SLC5A7: variants seen among roughly 807,000 people sequenced by gnomAD.
The protein encoded by SLC5A7 is high affinity choline transporter 1.
A neutral mutation model predicts 55.4 loss-of-function variants in SLC5A7; 19 were observed. The ratio of observed to expected loss-of-function variants is 0.34; its 90% CI spans 0.24 to 0.50. The LOEUF is 0.50. SLC5A7 is among the 20% of genes least tolerant of loss of function. The probability of loss-of-function intolerance (pLI) is 0.98; values close to 1 mark genes in which losing one functional copy is unlikely to be tolerated. For synonymous variants in SLC5A7, 265 were observed against 263.7 expected (o/e 1.00, Z -0.05); for missense variants, 506 against 705.3 (o/e 0.72, Z 3.20).
chr2:107,988,862 T>C (rs989967360), intron 2 of SLC5A7, among the ~76,000 whole-genome samples: 5 of 152,218 alleles, frequency 3.3e-5, no homozygotes, highest in African/African-American at 4.8e-5. Flanking sequence ...AACCTAATTC[T>C]TTCATTTAAT....
At chr2:107,989,730 T>A (rs1343970558) in intron 2 of SLC5A7, among the ~76,000 whole-genome samples, 1 of 152,222 alleles carries the variant, frequency 6.6e-6, no homozygotes, top group Non-Finnish European at 1.5e-5. Flanking sequence ...AGGTGCACAG[T>A]TTGTAAACAC....
In SLC5A7 at chr2:108,010,360, C is replaced by T. The variant is rs771422735; in HGVS notation, c.1242C>T (p.Tyr414=). ...GLWYLSSDLV[Y]IVIFPQLLCV... is the part of the protein sequence containing the mutation. ...GGTACCTCAGTTCTGACCTTGTTTA[C>T]ATCGTTATCTTCCCCCAGCTGCTTT... Residue 414 remains tyrosine (Y), a synonymous_variant, in exon 9 of 9, where the codon TAC becomes TAT. Transcript: ENST00000264047. The T allele has an allele frequency of 3.1e-6, 5 of 1,613,882 alleles. No individual in the cohort carries two copies. In the Admixed American group the frequency reaches 8.3e-5, roughly 27 times the overall value.
At chr2:107,996,444 A>G (rs777275520) in intron 4 of SLC5A7, among the ~76,000 whole-genome samples, 46 of 152,190 alleles carry the variant, frequency 3.0e-4, no homozygotes, top group Non-Finnish European at 5.3e-4. Context: ...AACACATCTT[A>G]TATTGAGATA....
chr2:107,995,470 A>AGAGTGTGTGT (rs1405177003), intron 4 of SLC5A7, among the ~76,000 whole-genome samples: 19 of 137,258 alleles, frequency 1.4e-4, no homozygotes, highest in African/African-American at 4.2e-4. Context: ...AGAGAGAGAG[A>AGAGTGTGTGT]GTGTGTGTGT....
chr2:108,002,341 G>C (rs879281447), intron 6 of SLC5A7, among the ~76,000 whole-genome samples: 1 of 152,178 alleles, frequency 6.6e-6, no homozygotes, highest in African/African-American at 2.4e-5. Flanking sequence ...TCCCCAACCT[G>C]AAGGCAAAAC....
At chr2:107,991,731 TATC>T (rs1346797087) in intron 2 of SLC5A7, among the ~76,000 whole-genome samples, 1 of 152,130 alleles carries the variant, frequency 6.6e-6, no homozygotes, top group African/African-American at 2.4e-5. Context: ...TTACATATAA[TATC>T]ATGAAAATGC....
chr2:107,991,341 G>A (rs1192014062), intron 2 of SLC5A7, among the ~76,000 whole-genome samples: 2 of 152,142 alleles, frequency 1.3e-5, no homozygotes, highest in East Asian at 3.9e-4. Flanking sequence ...TTGCAAGTAT[G>A]TATGCAGTTC....
intron 2 of SLC5A7, among the ~76,000 whole-genome samples, chr2:107,991,413 T>G (rs1677447511): frequency 6.6e-6 from 1 of 152,182 alleles, no homozygotes; most frequent in African/African-American, 2.4e-5. Context: ...TAAACTCACT[T>G]TGGACACCTT....
At chr2:107,997,319 G>C (rs2104352745) in intron 4 of SLC5A7, among the ~76,000 whole-genome samples, 1 of 152,308 alleles carries the variant, frequency 6.6e-6, no homozygotes, top group Admixed American at 6.5e-5. Flanking sequence ...GTAACAATCT[G>C]CACGAATTTG....
Position 108,001,853 on chromosome 2 carries a change from T to G in SLC5A7, c.598-44T>G, listed in dbSNP as rs748457324. ...TACAAATCTTGCATATATCAGACAG[T>G]TGAAAACCATCGCCTAGGGCTCCAG... On this transcript the variant is annotated intron_variant, in intron 5 of 8. Transcript: ENST00000264047. 2.5e-6 allele frequency: 4 copies of G among 1,608,332 alleles called. No homozygotes were observed. The South Asian group carries it at 4.4e-5, about 18-fold the overall frequency.
chr2:107,997,147 GGTAAT>G (rs1271809453), intron 4 of SLC5A7, among the ~76,000 whole-genome samples: 8 of 152,200 alleles, frequency 5.3e-5, no homozygotes. Context: ...AATGACGTTT[GGTAAT>G]GTAATGACGT....
intron 1 of SLC5A7, 102 bp from the exon 2 acceptor site, chr2:107,988,003 T>A (rs1176214887): frequency 3.2e-6 from 2 of 624,932 alleles, no homozygotes; most frequent in Non-Finnish European, 5.3e-6. Flanking sequence ...ACTCTTTCTG[T>A]GAGTGGCACA....
chr2:108,010,617 A>G lies in SLC5A7; in HGVS notation c.1499A>G (p.Tyr500Cys). ...ATTTGCATCTCCTATCTAGCCAAGTATCTATTTGAAAGTGGAACCTTGCCA... is the reference window on the plus strand; with the variant it reads ...ATTTGCATCTCCTATCTAGCCAAGTGTCTATTTGAAAGTGGAACCTTGCCA... ...TNICISYLAKYLFESGTLPPK... is the reference protein window; with the variant it reads ...TNICISYLAKCLFESGTLPPK... The change falls in exon 9 of 9, where the codon TAT becomes TGT. Residue 500 changes from tyrosine to cysteine, a missense_variant. Transcript: ENST00000264047. The G allele has an allele frequency of 1.2e-6, 2 of 1,614,036 alleles. No homozygotes were observed. Among genetic ancestry groups the G allele is most frequent in the Non-Finnish European group, 1.7e-6 (2 of 1,179,958 alleles).
intron 5 of SLC5A7, among the ~76,000 whole-genome samples, chr2:108,001,431 T>G (rs1677890334): frequency 6.6e-6 from 1 of 152,072 alleles, no homozygotes; most frequent in East Asian, 1.9e-4. Context: ...CCCAGCACTT[T>G]GGGAGGCCGA....
chr2:108,007,480 CTGTGTGTGTGTGTGTGTGTGTGTCTG>C (rs1678168975), intron 7 of SLC5A7, among the ~76,000 whole-genome samples: 1 of 149,790 alleles, frequency 6.7e-6, no homozygotes, highest in Non-Finnish European at 1.5e-5. Context: ...GTGTGTGTGT[CTGTGTGTGTGTGTGTGTGTGTGTCTG>C]TGTGTGTGTG....
intron 8 of SLC5A7, 109 bp downstream of exon 8, chr2:108,008,791 AATCT>A: frequency 4.0e-6 from 3 of 750,072 alleles, no homozygotes. Flanking sequence ...TTCTATGTTA[AATCT>A]GACTGTACTT....
Position 108,006,188 on chromosome 2 carries a change from T to C in SLC5A7, c.881T>C (p.Ile294Thr), listed in dbSNP as rs1678115179. The C allele has an allele frequency of 1.2e-6, 2 of 1,614,016 alleles. No individual in the cohort carries two copies. The highest frequency in any genetic ancestry group is 1.7e-6 in the Non-Finnish European group (2 of 1,179,974). ...ATCCCAGCCATACTCATTGGGGCCA[T>C]TGGAGCATCAACAGGTAAATCTCTT... ...MAIPAILIGA[I>T]GASTDWNQTA... The change falls in exon 7 of 9, where the codon ATT becomes ACT. Residue 294 changes from isoleucine (I) to threonine (T), a missense_variant. By Grantham distance (89) the Ile-to-Thr change is moderately conservative. Coordinates refer to ENST00000264047, the MANE Select transcript of SLC5A7 (RefSeq NM_021815.5).
At chr2:108,009,732 T>C (rs1678244503) in intron 8 of SLC5A7, among the ~76,000 whole-genome samples, 1 of 152,196 alleles carries the variant, frequency 6.6e-6, no homozygotes. Flanking sequence ...TTGGGTTGGT[T>C]CCATGACTTT....
At chr2:107,999,828 T>C (rs72826951) in intron 5 of SLC5A7, among the ~76,000 whole-genome samples, 14,474 of 152,134 alleles carry the variant, frequency 0.095, 835 homozygotes, top group Admixed American at 0.17. Flanking sequence ...TAATCCTTTT[T>C]AGTACCGATA....
Sources: allele counts gnomAD v4.1 joint callset (sites outside exome capture counted in the v4.1 genomes callset), GRCh38; gene constraint gnomAD v4.1.1; transcripts MANE v1.5; gene names NCBI Gene and HGNC (gene_info 2026-07-23, HGNC 2026-07-21).